ZNF816: variants seen among roughly 807,000 people sequenced by gnomAD.
ZNF816 encodes zinc finger protein 816A.
ZNF816 carries 11 observed loss-of-function variants against 8.3 expected under a neutral mutation model. The observed-to-expected ratio is 1.32, with a 90% CI of 0.83 to 2.19. The LOEUF (loss-of-function observed/expected upper bound fraction) is 2.19, where lower values mean the gene tolerates loss of function less well. Ranked by LOEUF, ZNF816 falls within the 30% of genes most tolerant of loss-of-function variation. The pLI is 0.00. For synonymous variants in ZNF816, 255 were observed against 254.5 expected, an observed-to-expected ratio of 1.00 and a Z score of -0.02; for missense variants, 710 against 779.3, an observed-to-expected ratio of 0.91 and a Z score of 1.06.
chr19:52,955,355 T>C (rs1474721201), intron 2 of ZNF816, among the ~76,000 whole-genome samples: 1 of 152,218 alleles, frequency 6.6e-6, no homozygotes, highest in East Asian at 1.9e-4. Context: ...CATTCTATTC[T>C]AAGACATTGA....
intron 1 of ZNF816, among the ~76,000 whole-genome samples, chr19:52,959,655 T>C (rs1411315695): frequency 4.6e-5 from 7 of 152,166 alleles, no homozygotes; most frequent in Admixed American, 1.3e-4. Context: ...CGGTATGCCT[T>C]TTTAACCCTT....
chr19:52,952,790 C>T lies in ZNF816; in HGVS notation c.151G>A (p.Ala51Thr), dbSNP rs761342266. Reference sequence around the variant, plus strand: ...TTCCTGTAGTTCTCCAACATCACAGCCCTGTATAAAGCCCTCTGTGCAGGG... The same window carrying T: ...TTCCTGTAGTTCTCCAACATCACAGTCCTGTATAAAGCCCTCTGTGCAGGG... ...LNPAQRALYR[A>T]VMLENYRNLE... Residue 51 changes from alanine to threonine, a missense_variant, in exon 3 of 4, where the codon GCT becomes ACT. Coordinates refer to ENST00000444460, the MANE Select transcript of ZNF816 (RefSeq NM_001202457.3). The T allele has an allele frequency of 6.2e-6, 10 of 1,614,018 alleles. No homozygotes were observed. The highest frequency in any genetic ancestry group is 8.5e-6 in the Non-Finnish European group (10 of 1,180,016).
intron 1 of ZNF816, among the ~76,000 whole-genome samples, chr19:52,962,065 T>A (rs1253405655): frequency 6.6e-6 from 1 of 152,172 alleles, no homozygotes; most frequent in Non-Finnish European, 1.5e-5. Context: ...TTGGTGAGGC[T>A]TAAACCACAC....
Position 52,950,259 on chromosome 19 carries a change from C to G in ZNF816, c.1516G>C (p.Glu506Gln). Reference sequence around the variant, plus strand: ...CATTCTTCACATTTGTAAGGTTTCTCTCCAGCATGAAGTCTATGATGACGT... The same window carrying G: ...CATTCTTCACATTTGTAAGGTTTCTGTCCAGCATGAAGTCTATGATGACGT... ...LARHHRLHAG[E>Q]KPYKCEECDK... The change falls in exon 4 of 4, where the codon GAG becomes CAG. Residue 506 changes from glutamate (E) to glutamine (Q), a missense_variant. Physicochemically the swap from Glu to Gln is conservative, Grantham distance 29 (BLOSUM62 2). Coordinates refer to ENST00000444460, the MANE Select transcript of ZNF816 (RefSeq NM_001202457.3). 1 of 1,613,422 alleles carries G rather than the reference C, an allele frequency of 6.2e-7. No homozygotes were observed. The highest frequency in any genetic ancestry group is 8.5e-7 in the Non-Finnish European group (1 of 1,179,884).
Position 52,950,108 on chromosome 19 carries a change from G to C in ZNF816, c.1667C>G (p.Thr556Arg). Reference protein sequence around the residue: ...FRSDSCLANHTRVHTGEKPYK... With the variant: ...FRSDSCLANHRRVHTGEKPYK... ...AGGTTTCTCTCCAGTATGAACTCTC[G>C]TATGGTTTGCAAGGCATGAATCACT... Residue 556 changes from threonine to arginine, a missense_variant, in exon 4 of 4, where the codon ACG becomes AGG. Physicochemically the swap from Thr to Arg is moderately conservative, Grantham distance 71 (BLOSUM62 -1). Coordinates refer to ENST00000444460, the MANE Select transcript of ZNF816 (RefSeq NM_001202457.3). 1 of 1,612,080 alleles carries C rather than the reference G, an allele frequency of 6.2e-7. No homozygotes were observed. The highest frequency in any genetic ancestry group is 8.5e-7 in the Non-Finnish European group (1 of 1,179,478).
rs1250550888 is a variant in ZNF816, at chr19:52,956,063, C to T, written c.27G>A (p.Lys9=). ...CCATCCCTGGCTCCTTTTCTTTGCT[C>T]TTCTTGGTGGCTTCCTCACGTAACA... The part of the protein sequence containing the change: MLREEATK[K]SKEKEPGMAL... Residue 9 remains lysine (K), a synonymous_variant, in exon 2 of 4, where the codon AAG becomes AAA. Transcript: ENST00000444460. 1 of 1,611,812 alleles carries T rather than the reference C, an allele frequency of 6.2e-7. No homozygotes were observed.
intron 1 of ZNF816, among the ~76,000 whole-genome samples, chr19:52,958,089 GA>G (rs1296596958): frequency 1.3e-5 from 2 of 152,164 alleles, no homozygotes; most frequent in African/African-American, 4.8e-5. Context: ...CTGGTCCCCA[GA>G]GAAGATCTTG....
intron 1 of ZNF816, among the ~76,000 whole-genome samples, chr19:52,960,916 C>A (rs115102058): frequency 6.6e-6 from 1 of 152,206 alleles, no homozygotes; most frequent in Non-Finnish European, 1.5e-5. Context: ...ACTGGTCCTA[C>A]GCACAGTGGA....
rs534454824 is a variant in ZNF816, at chr19:52,962,766, C to T, written c.-55G>A. The T allele has an allele frequency of 6.6e-6, 1 of 152,384 alleles. No homozygotes were observed. Among genetic ancestry groups the T allele is most frequent in the Admixed American group, 6.5e-5 (1 of 15,304 alleles). 9.4% of individuals were successfully genotyped at this position (152,384 alleles called of 1,614,324 possible). On this transcript the variant is annotated 5_prime_UTR_variant, in exon 1 of 4. Coordinates refer to ENST00000444460, the MANE Select transcript of ZNF816 (RefSeq NM_001202457.3). ...TTGCTCTGGGTTGAGAAAAGAGGGG[C>T]CGGAACCTGCAGGTCTGTGGGGACC...
rs760697277 is a variant in ZNF816 at position 52,951,516 on chromosome 19, T to C, written c.259A>G (p.Thr87Ala). The C allele has an allele frequency of 2.0e-5, 33 of 1,610,478 alleles. No homozygotes were observed. In the South Asian group the frequency reaches 3.6e-4, roughly 18 times the overall value. The change falls in exon 4 of 4, where the codon ACA (threonine) becomes GCA (alanine). Residue 87 changes from threonine (T) to alanine (A), a missense_variant. Physicochemically the swap from Thr to Ala is moderately conservative, Grantham distance 58. Transcript: ENST00000444460. ...RHSITGEVIH[T>A]GTLQRHKSHH... ...CTTTTATGTCTTTGCAACGTCCCTG[T>C]GTGGATCACTTCTCCTGTAATACTG...
rs768613954 is a variant in ZNF816, at chr19:52,949,920, T to C, written c.1855A>G (p.Lys619Glu). The C allele has an allele frequency of 3.1e-6, 5 of 1,613,980 alleles. No individual in the cohort carries two copies. In the East Asian group the frequency reaches 1.1e-4, roughly 36 times the overall value. Reference protein sequence around the residue: ...AKHQRVHTAEKPYKCNECGKA... With the variant: ...AKHQRVHTAEEPYKCNECGKA... The stretch of plus-strand genomic sequence containing the variant: ...CCACACTCATTACACTTGTAAGGTT[T>C]CTCTGCAGTATGAACTCTCTGATGT... The change falls in exon 4 of 4, where the codon AAA becomes GAA. Residue 619 changes from lysine (K) to glutamate (E), a missense_variant. Physicochemically the swap from Lys to Glu is moderately conservative, Grantham distance 56. Transcript: ENST00000444460.
intron 1 of ZNF816, chr19:52,960,238 A>G: frequency 3.6e-6 from 1 of 279,738 alleles, no homozygotes. Context: ...AAGCTTATGA[A>G]GCAGCCCCCT....
chr19:52,961,220 A>G (rs989351609), intron 1 of ZNF816, among the ~76,000 whole-genome samples: 3 of 152,180 alleles, frequency 2.0e-5, no homozygotes, highest in African/African-American at 4.8e-5. Context: ...CCGTTTTTCA[A>G]ATAAGATTAA....
intron 1 of ZNF816, among the ~76,000 whole-genome samples, chr19:52,962,453 C>T (rs2083565220): frequency 6.6e-6 from 1 of 151,986 alleles, no homozygotes; most frequent in Admixed American, 6.6e-5. Flanking sequence ...GGAGTGGCCA[C>T]AAAGCACCGG....
Position 52,951,523 on chromosome 19 carries a change from C to T in ZNF816, c.252G>A (p.Val84=), listed in dbSNP as rs549303212. 1 of 1,608,520 alleles carries T rather than the reference C, an allele frequency of 6.2e-7. No homozygotes were observed. The highest frequency in any genetic ancestry group is 8.5e-7 in the Non-Finnish European group (1 of 1,177,090). ...GTCTTTGCAACGTCCCTGTGTGGAT[C>T]ACTTCTCCTGTAATACTGTGCCTGG... The part of the protein sequence containing the change: ...SSTRHSITGE[V]IHTGTLQRHK... The change falls in exon 4 of 4, where the codon GTG becomes GTA. Residue 84 remains valine, a synonymous_variant. Coordinates refer to ENST00000444460, the MANE Select transcript of ZNF816 (RefSeq NM_001202457.3).
intron 2 of ZNF816, among the ~76,000 whole-genome samples, chr19:52,954,944 T>C (rs2083497170): frequency 6.6e-6 from 1 of 150,928 alleles, no homozygotes; most frequent in Non-Finnish European, 1.5e-5. Flanking sequence ...CACTGAGACA[T>C]GGGAATGGGT....
rs888908157 is a variant in ZNF816 at position 52,957,969 on chromosome 19, G to A, written c.-15-1865C>T. Among the ~76,000 whole-genome samples the A allele has an allele frequency of 3.3e-5, 5 of 152,168 alleles. No individual in the cohort carries two copies. Among genetic ancestry groups the A allele is most frequent in the Admixed American group, 6.5e-5 (1 of 15,274 alleles). Reference sequence around the variant, plus strand: ...GAGATAAGACCAACTCTGGCTAAGCGGTGGCCAAGGGTGTAGACAGAAGAC... The same window carrying A: ...GAGATAAGACCAACTCTGGCTAAGCAGTGGCCAAGGGTGTAGACAGAAGAC... On this transcript the variant is annotated intron_variant, in intron 1 of 3. Coordinates refer to ENST00000444460, the MANE Select transcript of ZNF816 (RefSeq NM_001202457.3). The surrounding 1 kb of genome is among the most constrained non-coding windows in gnomAD (Gnocchi z 4.6).
At chr19:52,953,217 C>T (rs1356950393) in intron 2 of ZNF816, 3 of 221,772 alleles carry the variant, frequency 1.4e-5, no homozygotes, top group Non-Finnish European at 1.8e-5. Context: ...TATGGTGTAA[C>T]CCCGTCTCTA....
chr19:52,953,884 A>T (rs2083487153), intron 2 of ZNF816, among the ~76,000 whole-genome samples: 1 of 150,298 alleles, frequency 6.7e-6, no homozygotes, highest in African/African-American at 2.4e-5. Flanking sequence ...TACTAAAAAT[A>T]AAAAAATTGG....
Sources: gnomAD v4.1 joint callset for allele counts (sites outside exome capture counted in the v4.1 genomes callset) on GRCh38, gnomAD v4.1.1 for gene constraint, Gnocchi (gnomAD v3.1) non-coding constraint, MANE v1.5 for transcripts, NCBI Gene and HGNC (gene_info 2026-07-23, HGNC 2026-07-21) for gene names.